The following GMPS variants were observed in gnomAD, a reference collection of about 807,000 sequenced individuals.
GMPS encodes the protein guanosine monophosphate synthase.
In GMPS, 15 loss-of-function variants were observed where a neutral mutation model predicts 77.9. That is an observed-to-expected ratio of 0.19 (90% CI 0.13 to 0.30). GMPS has a LOEUF of 0.30. Ranked by LOEUF, GMPS falls within the 10% of genes least tolerant of loss-of-function variation. GMPS has a pLI of 1.00. For synonymous variants in GMPS, 224 were observed against 275.9 expected, an observed-to-expected ratio of 0.81 and a Z score of 1.86; for missense variants, 590 against 838.8, an observed-to-expected ratio of 0.70 and a Z score of 3.66.
chr3:155,906,850 T>TG (rs1754907467), intron 5 of GMPS, among the ~76,000 whole-genome samples: 1 of 152,218 alleles, frequency 6.6e-6, no homozygotes, highest in African/African-American at 2.4e-5. Context: ...GCAGAAAGTT[T>TG]GCTGACCCAT....
chr3:155,880,329 T>G (rs1267290784), intron 1 of GMPS, among the ~76,000 whole-genome samples: 2 of 152,232 alleles, frequency 1.3e-5, no homozygotes, highest in Non-Finnish European at 2.9e-5. Context: ...ATTGTTGGCC[T>G]TGTTATTGAC....
intron 8 of GMPS, among the ~76,000 whole-genome samples, chr3:155,915,210 A>G (rs1755143347): frequency 6.6e-6 from 1 of 151,664 alleles, no homozygotes; most frequent in Non-Finnish European, 1.5e-5. Flanking sequence ...CAAGCTCTTG[A>G]ATGGAATGTT....
intron 5 of GMPS, among the ~76,000 whole-genome samples, chr3:155,907,797 T>A (rs1165789179): frequency 2.0e-5 from 3 of 152,330 alleles, no homozygotes; most frequent in East Asian, 3.9e-4. Flanking sequence ...TCCTATAAGA[T>A]GACATTGGAC....
intron 3 of GMPS, among the ~76,000 whole-genome samples, chr3:155,899,431 T>TC (rs985451033): frequency 9.8e-6 from 1 of 101,794 alleles, no homozygotes; most frequent in Non-Finnish European, 2.1e-5. Context: ...ACTCTTCTTT[T>TC]CTTTTTTTTT....
chr3:155,907,277 T>A (rs1754917294), intron 5 of GMPS, among the ~76,000 whole-genome samples: 1 of 152,190 alleles, frequency 6.6e-6, no homozygotes, highest in Non-Finnish European at 1.5e-5. Flanking sequence ...GTTCTAGGTG[T>A]CAAGGATTTA....
Position 155,904,519 on chromosome 3 carries a change from G to A in GMPS, c.422+559G>A, listed in dbSNP as rs369694654. Among the ~76,000 whole-genome samples the A allele has an allele frequency of 3.3e-5, 5 of 152,116 alleles. No homozygotes were observed. In the East Asian group the frequency reaches 7.7e-4, roughly 24 times the overall value. On this transcript the variant is annotated intron_variant, in intron 4 of 15. Coordinates refer to ENST00000496455, the MANE Select transcript of GMPS (RefSeq NM_003875.3). ...TGGCCAGATTAGTCTCAAACTCCTAGACCTCGTGATCTGTCCACCTCGGCC... is the reference window on the plus strand; with the variant it reads ...TGGCCAGATTAGTCTCAAACTCCTAAACCTCGTGATCTGTCCACCTCGGCC...
chr3:155,872,617 A>T (rs1753932642), intron 1 of GMPS, among the ~76,000 whole-genome samples: 1 of 152,020 alleles, frequency 6.6e-6, no homozygotes, highest in Non-Finnish European at 1.5e-5. Flanking sequence ...ATATAAGAGG[A>T]TTTTTCTTTT....
At chr3:155,921,824 G>T (rs1207846539) in intron 10 of GMPS, among the ~76,000 whole-genome samples, 1 of 152,016 alleles carries the variant, frequency 6.6e-6, no homozygotes, top group Non-Finnish European at 1.5e-5. Context: ...GATAGGGAGA[G>T]AATTAAACAT....
At chr3:155,869,834 G>A (rs896897264), upstream of GMPS, among the ~76,000 whole-genome samples, 10 of 152,156 alleles carry the variant, frequency 6.6e-5, no homozygotes, top group Non-Finnish European at 1.2e-4. Flanking sequence ...TTTGTTAGCT[G>A]GAAGCCATCT....
chr3:155,901,361 A>G (rs1354589879), intron 3 of GMPS, among the ~76,000 whole-genome samples: 1 of 152,100 alleles, frequency 6.6e-6, no homozygotes, highest in Non-Finnish European at 1.5e-5. Flanking sequence ...CATTTTCACT[A>G]TTGAATTTGT....
chr3:155,908,052 A>C (rs1277538557), intron 5 of GMPS, among the ~76,000 whole-genome samples: 1 of 152,212 alleles, frequency 6.6e-6, no homozygotes. Context: ...TAAGTGAAGG[A>C]GAGATGTGAT....
Position 155,878,071 on chromosome 3 carries a change from G to A in GMPS, c.27+7174G>A, listed in dbSNP as rs1754100789. Among the ~76,000 whole-genome samples the A allele has an allele frequency of 2.0e-5, 3 of 152,254 alleles. No homozygotes were observed. The South Asian group carries it at 6.2e-4, about 32-fold the overall frequency. The stretch of plus-strand genomic sequence containing the variant: ...TTACAGGCATGAGCCACCGTGCCCA[G>A]CCCCTAGGGCCTCTTTTATAAGGGT... On this transcript the variant is annotated intron_variant, in intron 1 of 15. Coordinates refer to ENST00000496455, the MANE Select transcript of GMPS (RefSeq NM_003875.3).
chr3:155,932,659 G>T (rs1755655486), intron 13 of GMPS, among the ~76,000 whole-genome samples: 1 of 152,120 alleles, frequency 6.6e-6, no homozygotes, highest in African/African-American at 2.4e-5. Context: ...TGGGTGTTAG[G>T]CAGTTAACAA....
At position 155,897,701 on chromosome 3, in the gene GMPS, A is replaced by G. The variant is rs144670156; in HGVS notation, c.210-226A>G. Among the ~76,000 whole-genome samples, 767 of 152,362 alleles carry G rather than the reference A, an allele frequency of 5.0e-3. 8 individuals are homozygous for G. Among genetic ancestry groups the G allele is most frequent in the African/African-American group, 0.018 (740 of 41,582 alleles). ...GAAGTTTGTGCTTATTAACAAGTAA[A>G]TGCTGAATTGATAGACTTCTAAACA... On this transcript the variant is annotated intron_variant, in intron 2 of 15. Coordinates refer to ENST00000496455, the MANE Select transcript of GMPS (RefSeq NM_003875.3).
intron 12 of GMPS, among the ~76,000 whole-genome samples, chr3:155,926,820 T>C (rs1159023867): frequency 6.6e-6 from 1 of 151,924 alleles, no homozygotes; most frequent in East Asian, 1.9e-4. Context: ...AGGTTGGAAG[T>C]TCAAGAGCAG....
At chr3:155,898,267 T>A (rs184895357) in intron 3 of GMPS, among the ~76,000 whole-genome samples, 1 of 152,302 alleles carries the variant, frequency 6.6e-6, no homozygotes, top group African/African-American at 2.4e-5. Context: ...CAAAACACTA[T>A]CCATTTAAAA....
chr3:155,902,591 T>C (rs1754760178), intron 3 of GMPS, among the ~76,000 whole-genome samples: 1 of 152,232 alleles, frequency 6.6e-6, no homozygotes, highest in Non-Finnish European at 1.5e-5. Context: ...AAATAGTTGC[T>C]ACAGACACAG....
chr3:155,936,518 A>G lies in GMPS; in HGVS notation c.1980+8A>G, dbSNP rs756545560. On this transcript the variant is annotated splice_region_variant and intron_variant, in intron 15 of 15. Transcript: ENST00000496455. ...AATGAGATCCCTGTAGAGGTAATTT[A>G]TATATTTTTTTCTAATGCACGTTCT... 5.1e-6 allele frequency: 8 copies of G among 1,560,108 alleles called. No homozygotes were observed. Among genetic ancestry groups the G allele is most frequent in the African/African-American group, 1.4e-5 (1 of 73,784 alleles).
rs569796626 is a variant in GMPS, at chr3:155,913,915, G to A, written c.887-504G>A. On this transcript the variant is annotated intron_variant, in intron 7 of 15. Coordinates refer to ENST00000496455, the MANE Select transcript of GMPS (RefSeq NM_003875.3). ...TAATGAGTGCCTGTATCTGAATTCT[G>A]TTACTCAGGATTTATTGATAGTTCT... 3.3e-5 allele frequency among the ~76,000 whole-genome samples: 5 copies of A among 151,968 alleles called. No individual in the cohort carries two copies. In the East Asian group the frequency reaches 9.7e-4, roughly 30 times the overall value.
Sources: allele counts gnomAD v4.1 joint callset (sites outside exome capture counted in the v4.1 genomes callset), GRCh38; gene constraint gnomAD v4.1.1; transcripts MANE v1.5; gene names NCBI Gene and HGNC (gene_info 2026-07-23, HGNC 2026-07-21).